The following CSGALNACT1 variants were observed in gnomAD, a reference collection of about 807,000 sequenced individuals.
CSGALNACT1 encodes beta4GalNAcT-1.
A neutral mutation model predicts 51.0 loss-of-function variants in CSGALNACT1; 52 were observed. The ratio of observed to expected loss-of-function variants is 1.02; its 90% CI spans 0.82 to 1.29. The LOEUF (loss-of-function observed/expected upper bound fraction) is 1.29. Ranked by LOEUF, CSGALNACT1 falls within the 50% of genes most tolerant of loss-of-function variation. The pLI is 0.00. For missense variants in CSGALNACT1, 935 were observed against 679.2 expected (o/e 1.38, Z -4.19); for synonymous variants, 341 against 254.4 (o/e 1.34, Z -3.24).
chr8:19,723,184 A>T (rs4922094), intron 1 of CSGALNACT1, among the ~76,000 whole-genome samples: 52,816 of 152,104 alleles, frequency 0.35, 9,680 homozygotes, highest in East Asian at 0.59. Flanking sequence ...TTGATACTAA[A>T]ATTTAAGATC....
chr8:19,615,906 G>A (rs995609870), intron 1 of CSGALNACT1, among the ~76,000 whole-genome samples: 12 of 152,198 alleles, frequency 7.9e-5, no homozygotes, highest in Admixed American at 2.0e-4. Flanking sequence ...TCATTTGTAT[G>A]AAGAAGTCTT....
chr8:19,594,025 G>A (rs2048380445), intron 2 of CSGALNACT1, among the ~76,000 whole-genome samples: 2 of 152,148 alleles, frequency 1.3e-5, no homozygotes, highest in African/African-American at 2.4e-5. Flanking sequence ...GGGTGCTGGT[G>A]GAATATGCCA....
intron 6 of CSGALNACT1, among the ~76,000 whole-genome samples, chr8:19,428,460 A>C (rs943083316): frequency 4.6e-5 from 7 of 152,120 alleles, no homozygotes; most frequent in Non-Finnish European, 1.0e-4. Flanking sequence ...ATTCACCACC[A>C]TGAGAACTGT....
chr8:19,719,025 A>T (rs1040260341), intron 1 of CSGALNACT1, among the ~76,000 whole-genome samples: 1 of 152,158 alleles, frequency 6.6e-6, no homozygotes, highest in Admixed American at 6.5e-5. Context: ...CGAACTGTGT[A>T]ACAGAGTCTT....
intron 6 of CSGALNACT1, among the ~76,000 whole-genome samples, chr8:19,426,909 A>G (rs2058858332): frequency 6.6e-6 from 1 of 152,352 alleles, no homozygotes; most frequent in South Asian, 2.1e-4. Flanking sequence ...GCTTCTCACA[A>G]TAGCCTTTCA....
intron 4 of CSGALNACT1, among the ~76,000 whole-genome samples, chr8:19,502,586 C>G (rs1417968155): frequency 6.6e-6 from 1 of 152,194 alleles, no homozygotes; most frequent in Non-Finnish European, 1.5e-5. Flanking sequence ...GTGTGGAGAA[C>G]TCCTGTTTCT....
intron 5 of CSGALNACT1, among the ~76,000 whole-genome samples, chr8:19,440,544 A>G (rs1188864671): frequency 1.3e-5 from 2 of 152,130 alleles, no homozygotes; most frequent in Non-Finnish European, 2.9e-5. Flanking sequence ...CTCTCAATAA[A>G]TTAGGTATTG....
intron 5 of CSGALNACT1, among the ~76,000 whole-genome samples, chr8:19,440,931 A>G (rs1347028830): frequency 6.6e-6 from 1 of 152,152 alleles, no homozygotes; most frequent in African/African-American, 2.4e-5. Flanking sequence ...ATAACAGACA[A>G]ACAGAGAGCC....
chr8:19,669,878 A>C (rs1014273205), intron 1 of CSGALNACT1, among the ~76,000 whole-genome samples: 1 of 152,030 alleles, frequency 6.6e-6, no homozygotes, highest in Non-Finnish European at 1.5e-5. Context: ...TACTATTCAA[A>C]CTTACCTTTC....
intron 6 of CSGALNACT1, among the ~76,000 whole-genome samples, chr8:19,423,613 T>A (rs925595060): frequency 2.6e-5 from 4 of 152,180 alleles, no homozygotes; most frequent in Admixed American, 2.6e-4. Flanking sequence ...GAACTTAAGG[T>A]ACCTAGTGTC....
chr8:19,743,877 C>T (rs1346380393), intron 1 of CSGALNACT1, among the ~76,000 whole-genome samples: 1 of 151,990 alleles, frequency 6.6e-6, no homozygotes, highest in African/African-American at 2.4e-5. Flanking sequence ...ATCTTTGTAG[C>T]ATAATTTCTC....
rs1491342746 is a variant in CSGALNACT1, at chr8:19,463,154, TTC to T, written c.635-4514_635-4513del. Among the ~76,000 whole-genome samples, 37 of 114,168 alleles carry T rather than the reference TTC, an allele frequency of 3.2e-4. No homozygotes were observed. In the East Asian group the frequency reaches 3.3e-3, roughly 10 times the overall value. The allele number at this position is 114,168 out of a possible 152,430, so 74.9% of individuals were successfully genotyped here. ...TGTTACTCCAAAGAACATGATTTCA[TTC>T]TTTTTTTCATGGCTGTGTAGTACTC... On this transcript the variant is annotated intron_variant, in intron 4 of 9. Transcript: ENST00000454498.
chr8:19,525,615 C>CAAAAAAAAAAAAAAAAAAAAAAAA (rs34787475), intron 3 of CSGALNACT1, among the ~76,000 whole-genome samples: 1 of 20,382 alleles, frequency 4.9e-5, no homozygotes, highest in African/African-American at 1.6e-4. Context: ...AAACTTGTCC[C>CAAAAAAAAAAAAAAAAAAAAAAAA]AAAAAAAAAA....
At chr8:19,406,205 A>G in intron 9 of CSGALNACT1, 136 bp from the exon 9 acceptor site, 3 of 1,028,668 alleles carry the variant, frequency 2.9e-6, no homozygotes, top group Middle Eastern at 3.0e-4. Flanking sequence ...CCAAGGTACG[A>G]GAGTGTCCAC....
intron 6 of CSGALNACT1, among the ~76,000 whole-genome samples, chr8:19,435,737 C>A (rs528905554): frequency 6.6e-6 from 1 of 152,160 alleles, no homozygotes; most frequent in Non-Finnish European, 1.5e-5. Context: ...GTGAGCTCAT[C>A]TGAGATTAAC....
intron 1 of CSGALNACT1, among the ~76,000 whole-genome samples, chr8:19,617,082 TTGA>T (rs1436747349): frequency 1.4e-4 from 21 of 152,108 alleles, no homozygotes; most frequent in African/African-American, 5.1e-4. Flanking sequence ...CCATCTGGGG[TTGA>T]TGAGAGACAA....
At chr8:19,715,355 C>T (rs1445059263) in intron 1 of CSGALNACT1, among the ~76,000 whole-genome samples, 2 of 152,170 alleles carry the variant, frequency 1.3e-5, no homozygotes, top group Non-Finnish European at 2.9e-5. Flanking sequence ...ATTTAGCTCC[C>T]ACTTATAAGT....
chr8:19,411,119 C>T (rs994344891), intron 8 of CSGALNACT1, among the ~76,000 whole-genome samples: 4 of 152,146 alleles, frequency 2.6e-5, no homozygotes, highest in African/African-American at 9.7e-5. Context: ...ACTTGCAGTC[C>T]TTCCTGCCTG....
chr8:19,583,050 ATTCTTT>A (rs1003122398), intron 3 of CSGALNACT1, among the ~76,000 whole-genome samples: 80 of 152,324 alleles, frequency 5.3e-4, no homozygotes, highest in African/African-American at 1.9e-3. Context: ...GGAGAAAAAA[ATTCTTT>A]TTCTTTTTAC....
Sources: allele counts gnomAD v4.1 joint callset (sites outside exome capture counted in the v4.1 genomes callset), GRCh38; gene constraint gnomAD v4.1.1; transcripts MANE v1.5; gene names NCBI Gene and HGNC (gene_info 2026-07-23, HGNC 2026-07-21).